Variants in GFM1 observed in about 807,000 individuals in gnomAD.
The protein encoded by GFM1 is G elongation factor mitochondrial 1, also known as elongation factor G, mitochondrial.
Under a neutral mutation model 96.2 loss-of-function variants are expected in GFM1, and 62 were observed. That is an observed-to-expected ratio of 0.64 (90% CI 0.53 to 0.80). GFM1 has a LOEUF of 0.80. GFM1 is among the 30% of genes least tolerant of loss of function. The pLI is 0.00. For missense variants in GFM1, 852 were observed against 916.6 expected, an observed-to-expected ratio of 0.93 and a Z score of 0.91; for synonymous variants, 282 against 312.9, an observed-to-expected ratio of 0.90 and a Z score of 1.04.
At chr3:158,666,743 T>A (rs1170855976) in intron 13 of GFM1, 2 of 1,610,922 alleles carry the variant, frequency 1.2e-6, no homozygotes, top group Non-Finnish European at 8.5e-7. Context: ...GGGAATAATC[T>A]CCTGCAAGTG....
rs373144153 is a variant in GFM1, at chr3:158,680,980, A to T, written c.1602-1015A>T. 4.6e-5 allele frequency among the ~76,000 whole-genome samples: 7 copies of T among 152,266 alleles called. 1 individual carries two copies. Among genetic ancestry groups the T allele is most frequent in the East Asian group, 1.9e-4 (1 of 5,190 alleles). ...ACAGATCTAGAGTATGTTTGTATAG[A>T]TGTTATACTGTTGACAAATGGAAAA... On this transcript the variant is annotated intron_variant, in intron 13 of 17. Coordinates refer to ENST00000486715, the MANE Select transcript of GFM1 (RefSeq NM_024996.7).
chr3:158,681,701 T>C (rs1334125492), intron 13 of GFM1, among the ~76,000 whole-genome samples: 2 of 152,192 alleles, frequency 1.3e-5, no homozygotes, highest in Admixed American at 1.3e-4. Context: ...ATACAGGTTA[T>C]TAGAACAAGA....
intron 15 of GFM1, among the ~76,000 whole-genome samples, chr3:158,687,383 C>T (rs1317688923): frequency 6.6e-6 from 1 of 152,168 alleles, no homozygotes; most frequent in East Asian, 1.9e-4. Flanking sequence ...AGTTACATTG[C>T]TGTTTCTTCA....
chr3:158,658,993 T>C lies in GFM1; in HGVS notation c.1155T>C (p.Tyr385=). 1 of 1,614,152 alleles carries C rather than the reference T, an allele frequency of 6.2e-7. No individual in the cohort carries two copies. Among genetic ancestry groups the C allele is most frequent in the Non-Finnish European group, 8.5e-7 (1 of 1,180,018 alleles). Residue 385 remains tyrosine, a synonymous_variant, in exon 9 of 18, where the codon TAT becomes TAC. Coordinates refer to ENST00000486715, the MANE Select transcript of GFM1 (RefSeq NM_024996.7). ...AGCTAAAGAAGGGTGACACCATCTA[T>C]AACACAAGGACAAGAAAGAAAGTAC... ...QGELKKGDTI[Y]NTRTRKKVRL...
At chr3:158,659,104 G>A (rs759832515) in intron 9 of GFM1, 45 bp downstream of exon 9, 1 of 1,607,398 alleles carries the variant, frequency 6.2e-7, no homozygotes, top group Non-Finnish European at 8.5e-7. Flanking sequence ...TCTGATGTGG[G>A]TGAAATAGAC....
intron 12 of GFM1, 79 bp downstream of exon 12, chr3:158,665,553 A>C: frequency 7.7e-7 from 1 of 1,294,262 alleles, no homozygotes; most frequent in Non-Finnish European, 1.1e-6. Flanking sequence ...TCTCAATCTA[A>C]TGTCTGTAAC....
At chr3:158,665,860 G>A (rs1051284313) in intron 12 of GFM1, among the ~76,000 whole-genome samples, 1 of 152,122 alleles carries the variant, frequency 6.6e-6, no homozygotes, top group Non-Finnish European at 1.5e-5. Context: ...TTATAATATA[G>A]ATAAAAGGAA....
intron 13 of GFM1, among the ~76,000 whole-genome samples, chr3:158,680,208 AT>A (rs1482270687): frequency 6.6e-6 from 1 of 152,184 alleles, no homozygotes; most frequent in African/African-American, 2.4e-5. Flanking sequence ...ATATGGATAT[AT>A]TGGGTAGTGG....
chr3:158,660,307 C>T (rs182109210), intron 9 of GFM1: 9 of 148,414 alleles, frequency 6.1e-5, no homozygotes, highest in Admixed American at 3.4e-4. Flanking sequence ...AGTGCAGTGG[C>T]GCGATCTCGG....
At chr3:158,678,852 G>T (rs2108088005) in intron 13 of GFM1, among the ~76,000 whole-genome samples, 1 of 152,326 alleles carries the variant, frequency 6.6e-6, no homozygotes, top group East Asian at 1.9e-4. Context: ...AATCGATGTG[G>T]CCAACTTCAT....
Position 158,649,175 on chromosome 3 carries a change from A to T in GFM1, c.689+18A>T, listed in dbSNP as rs1722093371. ...GACTTTGGGTAAGTGCTAAAAATACATTATTAAAATTTTAAATTTTAAAAA... is the reference window on the plus strand; with the variant it reads ...GACTTTGGGTAAGTGCTAAAAATACTTTATTAAAATTTTAAATTTTAAAAA... On this transcript the variant is annotated intron_variant, in intron 5 of 17. Transcript: ENST00000486715. 2 of 966,168 alleles carry T rather than the reference A, an allele frequency of 2.1e-6. No homozygotes were observed. Among genetic ancestry groups the T allele is most frequent in the Non-Finnish European group, 3.4e-6 (2 of 593,922 alleles). 59.8% of individuals were successfully genotyped at this position (966,168 alleles called of 1,614,324 possible).
chr3:158,694,508 T>C lies in GFM1; in HGVS notation c.*3041T>C, dbSNP rs1293873257. Among the ~76,000 whole-genome samples the C allele has an allele frequency of 6.6e-6, 1 of 152,062 alleles. No individual in the cohort carries two copies. Among genetic ancestry groups the C allele is most frequent in the East Asian group, 1.9e-4 (1 of 5,184 alleles). On this transcript the variant is annotated 3_prime_UTR_variant, in exon 18 of 18. Transcript: ENST00000486715. ...TAGGCTTAATACCTTGATGATGAAA[T>C]AATCTGTACAACAAACCCCCAGGAC...
At position 158,652,155 on chromosome 3, in the gene GFM1, G is replaced by T. The variant is rs752251570; in HGVS notation, c.749G>T (p.Arg250Leu). 2 of 1,613,844 alleles carry T rather than the reference G, an allele frequency of 1.2e-6. No individual in the cohort carries two copies. Among genetic ancestry groups the T allele is most frequent in the Admixed American group, 3.3e-5 (2 of 60,008 alleles). Residue 250 changes from arginine (R) to leucine (L), a missense_variant, in exon 6 of 18, where the codon CGG (arginine) becomes CTG (leucine). Arg to Leu is a moderately radical substitution (Grantham distance 102, BLOSUM62 -2). Transcript: ENST00000486715. ...AELRAAATDH[R>L]QELIECVANS... is the part of the protein sequence containing the mutation. Reference sequence around the variant, plus strand: ...TTAAGGGCGGCGGCCACTGACCACCGGCAGGAGCTAATTGAATGTGTTGCC... The same window carrying T: ...TTAAGGGCGGCGGCCACTGACCACCTGCAGGAGCTAATTGAATGTGTTGCC...
chr3:158,687,747 C>T (rs188298623), intron 15 of GFM1, among the ~76,000 whole-genome samples: 43 of 152,184 alleles, frequency 2.8e-4, no homozygotes, highest in Non-Finnish European at 2.9e-5. Flanking sequence ...AGATTACAGG[C>T]GTGAGCCACC....
In GFM1 at chr3:158,693,091, G is replaced by A. The variant is rs890698131; in HGVS notation, c.*1624G>A. On this transcript the variant is annotated 3_prime_UTR_variant, in exon 18 of 18. Coordinates refer to ENST00000486715, the MANE Select transcript of GFM1 (RefSeq NM_024996.7). Reference sequence around the variant, plus strand: ...TTGTAATAGAAGAAGCACAGATAAGGTAAATAACTTTAATGAGACCACAAA... The same window carrying A: ...TTGTAATAGAAGAAGCACAGATAAGATAAATAACTTTAATGAGACCACAAA... 1.3e-5 allele frequency: 2 copies of A among 151,908 alleles called. No individual in the cohort carries two copies. Among genetic ancestry groups the A allele is most frequent in the Non-Finnish European group, 2.9e-5 (2 of 67,976 alleles). 9.4% of individuals were successfully genotyped at this position (151,908 alleles called of 1,614,324 possible).
rs376165842 is a variant in GFM1 at position 158,660,669 on chromosome 3, T to C, written c.1222-205T>C. 28 of 580,728 alleles carry C rather than the reference T, an allele frequency of 4.8e-5. 1 individual carries two copies. Among genetic ancestry groups the C allele is most frequent in the East Asian group, 2.4e-4 (8 of 33,828 alleles). 36.0% of individuals were successfully genotyped at this position (580,728 alleles called of 1,614,324 possible). A position where few individuals can be genotyped will look rare whatever the true frequency, so the allele number is the denominator to read the frequency against. ...AAGTAAAATCTTGTCTATTGATATA[T>C]GGTTTAAATGAAGGCCTTTTAAAAA... On this transcript the variant is annotated intron_variant, in intron 9 of 17. Transcript: ENST00000486715.
At chr3:158,645,388 T>A (rs1721688668) in intron 1 of GFM1, among the ~76,000 whole-genome samples, 1 of 152,252 alleles carries the variant, frequency 6.6e-6, no homozygotes, top group Admixed American at 6.5e-5. Flanking sequence ...TCTCCCATTT[T>A]AATTAAATTT....
At chr3:158,681,854 C>A in intron 13 of GFM1, 141 bp from the exon 14 acceptor site, 2 of 785,940 alleles carry the variant, frequency 2.5e-6, no homozygotes, top group Non-Finnish European at 2.1e-6. Context: ...AAAATAAATT[C>A]TACAATAAAC....
In GFM1 at chr3:158,646,045, A is replaced by G. The variant is rs1721760101; in HGVS notation, c.235-120A>G. The stretch of plus-strand genomic sequence containing the variant: ...TTATCATCCTGCCTCAGTCTCCCAC[A>G]GTGCTGGGATTATAGGCATGAGCCA... On this transcript the variant is annotated intron_variant, in intron 2 of 17. Transcript: ENST00000486715. 2.4e-6 allele frequency: 3 copies of G among 1,251,870 alleles called. No homozygotes were observed. The South Asian group carries it at 3.7e-5, about 15-fold the overall frequency. The allele number at this position is 1,251,870 out of a possible 1,614,324, so 77.5% of individuals were successfully genotyped here.
Sources: allele counts gnomAD v4.1 joint callset (sites outside exome capture counted in the v4.1 genomes callset), GRCh38; gene constraint gnomAD v4.1.1; transcripts MANE v1.5; gene names NCBI Gene and HGNC (gene_info 2026-07-23, HGNC 2026-07-21).